ERBB4: variants seen among roughly 807,000 people sequenced by gnomAD.
ERBB4 encodes receptor tyrosine-protein kinase erbB-4.
In ERBB4, 42 loss-of-function variants were observed where a neutral mutation model predicts 158.0. The observed-to-expected ratio is 0.27, with a 90% confidence interval of 0.21 to 0.34. ERBB4 has a LOEUF of 0.34. ERBB4 is among the 10% of genes least tolerant of loss of function. ERBB4 has a pLI of 1.00. For missense variants in ERBB4, 1,333 were observed against 1,624.1 expected (o/e 0.82, Z 3.08); for synonymous variants, 583 against 558.7 (o/e 1.04, Z -0.61).
At chr2:211,951,128 TC>T (rs1305094914) in intron 2 of ERBB4, among the ~76,000 whole-genome samples, 1 of 152,148 alleles carries the variant, frequency 6.6e-6, no homozygotes, top group African/African-American at 2.4e-5. Context: ...ATAAGATCCA[TC>T]ATTCCAAAAC....
chr2:211,633,465 C>T (rs1574895965), intron 16 of ERBB4, among the ~76,000 whole-genome samples: 1 of 135,268 alleles, frequency 7.4e-6, no homozygotes, highest in African/African-American at 2.7e-5. Flanking sequence ...CTTATTTTTA[C>T]TAATTTGTAT....
chr2:211,816,156 G>T (rs557069167), intron 3 of ERBB4, among the ~76,000 whole-genome samples: 3 of 152,030 alleles, frequency 2.0e-5, no homozygotes, highest in African/African-American at 7.2e-5. Context: ...TATCCTGTTG[G>T]TTCTGTCCCT....
chr2:212,253,997 C>T (rs113998215), intron 1 of ERBB4, among the ~76,000 whole-genome samples: 1,686 of 152,040 alleles, frequency 0.011, 40 homozygotes, highest in African/African-American at 0.038. Context: ...TAACTAAACA[C>T]AGAAAAGGCA....
intron 1 of ERBB4, among the ~76,000 whole-genome samples, chr2:212,155,182 GTCTT>G (rs1281567200): frequency 6.6e-6 from 1 of 151,374 alleles, no homozygotes; most frequent in African/African-American, 2.4e-5. Context: ...AAAAAAGTCT[GTCTT>G]TCAGAGAAAA....
intron 1 of ERBB4, among the ~76,000 whole-genome samples, chr2:212,156,380 C>T (rs562424577): frequency 3.3e-5 from 5 of 152,202 alleles, no homozygotes; most frequent in African/African-American, 9.6e-5. Flanking sequence ...AGTGTCACTA[C>T]AGTCAAGTGT....
Position 211,378,474 on chromosome 2 carries a change from G to GA in ERBB4, c.*5140dup, listed in dbSNP as rs1256905788. ...ATTTTAGAGAGACTTTTAATGAAAAGAAAAAAGCAGCTCACACTGCTAAAA... is the reference window on the plus strand; with the variant it reads ...ATTTTAGAGAGACTTTTAATGAAAAGAAAAAAAGCAGCTCACACTGCTAAAA... On this transcript the variant is annotated 3_prime_UTR_variant, in exon 28 of 28. Transcript: ENST00000342788. The GA allele has an allele frequency of 8.6e-6, 2 of 232,530 alleles. No individual in the cohort carries two copies. The highest frequency in any genetic ancestry group is 3.6e-4 in the South Asian group (2 of 5,526). The allele number at this position is 232,530 out of a possible 1,614,324, so 14.4% of individuals were successfully genotyped here.
chr2:212,035,111 C>CT (rs905303766), intron 2 of ERBB4, among the ~76,000 whole-genome samples: 1 of 152,146 alleles, frequency 6.6e-6, no homozygotes, highest in Non-Finnish European at 1.5e-5. Flanking sequence ...CAATTCTCCT[C>CT]TTTGAGAAAC....
intron 17 of ERBB4, 136 bp downstream of exon 17, chr2:211,630,326 A>G: frequency 2.0e-6 from 2 of 983,492 alleles, no homozygotes; most frequent in Non-Finnish European, 1.6e-6. Context: ...AGCTTTGTTT[A>G]ACGGACTATA....
chr2:212,499,610 C>A (rs76241448), intron 1 of ERBB4, among the ~76,000 whole-genome samples: 3,300 of 151,988 alleles, frequency 0.022, 120 homozygotes, highest in African/African-American at 0.075. Flanking sequence ...TACTGGTATA[C>A]GAAATTTGCC....
Position 212,209,139 on chromosome 2 carries a change from T to C in ERBB4, c.83-84236A>G, listed in dbSNP as rs551607073. Among the ~76,000 whole-genome samples, 12 of 152,260 alleles carry C rather than the reference T, an allele frequency of 7.9e-5. No homozygotes were observed. In the South Asian group the frequency reaches 2.5e-3, roughly 32 times the overall value. ...TCTTCACATGCAGACTCATAATCCT[T>C]TCTATGGAAATAAAATTAATGTCAG... is the stretch of plus-strand genomic sequence containing the variant. On this transcript the variant is annotated intron_variant, in intron 1 of 27. Transcript: ENST00000342788.
chr2:212,310,785 A>G (rs2106236331), intron 1 of ERBB4, among the ~76,000 whole-genome samples: 1 of 150,788 alleles, frequency 6.6e-6, no homozygotes, highest in Non-Finnish European at 1.5e-5. Flanking sequence ...AATATTCATG[A>G]GCTATCCAGT....
chr2:212,255,390 T>C (rs2084690994), intron 1 of ERBB4, among the ~76,000 whole-genome samples: 2 of 152,160 alleles, frequency 1.3e-5, no homozygotes, highest in Admixed American at 1.3e-4. Flanking sequence ...ATCCATAATA[T>C]TATACTACAA....
intron 1 of ERBB4, among the ~76,000 whole-genome samples, chr2:212,208,723 A>T (rs2082840924): frequency 1.3e-5 from 2 of 152,184 alleles, no homozygotes; most frequent in South Asian, 4.1e-4. Context: ...CTGCCAAAGG[A>T]TGCCAATAAC....
chr2:211,917,380 G>T (rs1458411302), intron 3 of ERBB4, among the ~76,000 whole-genome samples: 1 of 152,142 alleles, frequency 6.6e-6, no homozygotes, highest in Non-Finnish European at 1.5e-5. Flanking sequence ...GGTACAGGGT[G>T]GGGAGAAATA....
At chr2:211,422,976 A>G (rs934920379) in intron 23 of ERBB4, among the ~76,000 whole-genome samples, 16 of 151,776 alleles carry the variant, frequency 1.1e-4, no homozygotes, top group African/African-American at 2.9e-4. Context: ...CCGGGAGTTC[A>G]GTTTTTATTC....
At chr2:212,076,131 T>C (rs762004014) in intron 2 of ERBB4, among the ~76,000 whole-genome samples, 9 of 151,894 alleles carry the variant, frequency 5.9e-5, no homozygotes, top group Admixed American at 3.9e-4. Flanking sequence ...GAATCTATTA[T>C]GTAATTTAAT....
At chr2:212,353,893 G>A (rs1394476464) in intron 1 of ERBB4, among the ~76,000 whole-genome samples, 1 of 152,146 alleles carries the variant, frequency 6.6e-6, no homozygotes, top group Non-Finnish European at 1.5e-5. Context: ...TTAAGAAGCA[G>A]TGCACCTCCT....
Position 212,153,031 on chromosome 2 carries a change from G to C in ERBB4, c.83-28128C>G, listed in dbSNP as rs1337874835. Among the ~76,000 whole-genome samples the C allele has an allele frequency of 2.6e-5, 4 of 152,170 alleles. No individual in the cohort carries two copies. In the East Asian group the frequency reaches 7.7e-4, roughly 29 times the overall value. On this transcript the variant is annotated intron_variant, in intron 1 of 27. Transcript: ENST00000342788. ...GAAAATGGGCAATTTGCCCTGACTG[G>C]AGAAGCCAATCTACAGACATATGAC...
At chr2:211,892,521 C>G (rs2078995062) in intron 3 of ERBB4, among the ~76,000 whole-genome samples, 1 of 140,078 alleles carries the variant, frequency 7.1e-6, no homozygotes, top group Admixed American at 7.0e-5. Context: ...CCTCTCTCAC[C>G]ACTCCAATTC....
Sources: allele counts gnomAD v4.1 joint callset (sites outside exome capture counted in the v4.1 genomes callset), GRCh38; gene constraint gnomAD v4.1.1; transcripts MANE v1.5; gene names NCBI Gene and HGNC (gene_info 2026-07-23, HGNC 2026-07-21).